CNTN5: variants seen among roughly 807,000 people sequenced by gnomAD.
The protein encoded by CNTN5 is contactin-5.
A neutral mutation model predicts 129.1 loss-of-function variants in CNTN5; 77 were observed. That is an observed-to-expected ratio of 0.60 (90% CI 0.50 to 0.72). CNTN5 has a LOEUF of 0.72. CNTN5 is among the 30% of genes least tolerant of loss of function. The pLI is 0.00. For synonymous variants in CNTN5, 509 were observed against 465.6 expected (o/e 1.09, Z -1.20); for missense variants, 1,478 against 1,328.8 (o/e 1.11, Z -1.75).
At chr11:99,932,740 A>T (rs1320248776) in intron 7 of CNTN5, among the ~76,000 whole-genome samples, 2 of 152,182 alleles carry the variant, frequency 1.3e-5, no homozygotes, top group African/African-American at 4.8e-5. Flanking sequence ...TAAATACTCT[A>T]TAACTTAGTG....
intron 1 of CNTN5, among the ~76,000 whole-genome samples, chr11:99,085,315 G>A (rs1865962937): frequency 6.6e-6 from 1 of 152,104 alleles, no homozygotes; most frequent in African/African-American, 2.4e-5. Flanking sequence ...AAAGTGCTGG[G>A]ATTACAGGTG....
At chr11:99,776,757 G>A (rs2135366365) in intron 3 of CNTN5, among the ~76,000 whole-genome samples, 1 of 150,992 alleles carries the variant, frequency 6.6e-6, no homozygotes, top group South Asian at 2.1e-4. Flanking sequence ...TGGGTATGAA[G>A]GATGGATATC....
intron 3 of CNTN5, among the ~76,000 whole-genome samples, chr11:99,634,543 C>A (rs1951479860): frequency 6.6e-6 from 1 of 152,076 alleles, no homozygotes; most frequent in Non-Finnish European, 1.5e-5. Flanking sequence ...TAATCTTGGC[C>A]CTGATACTTA....
chr11:99,597,397 A>C (rs1950159193), intron 3 of CNTN5, among the ~76,000 whole-genome samples: 1 of 152,106 alleles, frequency 6.6e-6, no homozygotes, highest in Admixed American at 6.6e-5. Flanking sequence ...AAATTAAGCT[A>C]TTTTGAATTC....
intron 3 of CNTN5, among the ~76,000 whole-genome samples, chr11:99,790,833 AT>A (rs1042836057): frequency 6.6e-6 from 1 of 151,884 alleles, no homozygotes; most frequent in Non-Finnish European, 1.5e-5. Context: ...CCAGCATGTT[AT>A]TTTTTTGACA....
At chr11:99,835,808 C>T (rs1947284519) in intron 4 of CNTN5, among the ~76,000 whole-genome samples, 1 of 152,152 alleles carries the variant, frequency 6.6e-6, no homozygotes, top group South Asian at 2.1e-4. Context: ...GTCATAGGCC[C>T]TAGGCCTGGA....
intron 9 of CNTN5, among the ~76,000 whole-genome samples, chr11:100,022,054 A>C (rs968072679): frequency 1.3e-5 from 2 of 152,048 alleles, no homozygotes; most frequent in African/African-American, 4.8e-5. Flanking sequence ...GGTCTTCCTG[A>C]GGGTGGGTCT....
chr11:99,859,260 A>G (rs1169107671), intron 6 of CNTN5, among the ~76,000 whole-genome samples: 3 of 152,256 alleles, frequency 2.0e-5, no homozygotes, highest in African/African-American at 7.2e-5. Flanking sequence ...CTTTATGGTC[A>G]CACGGCTCAG....
chr11:99,809,028 T>C (rs1312294360), intron 3 of CNTN5, among the ~76,000 whole-genome samples: 1 of 152,108 alleles, frequency 6.6e-6, no homozygotes, highest in East Asian at 1.9e-4. Context: ...CCCACACAAG[T>C]AGGAAGACAC....
intron 3 of CNTN5, among the ~76,000 whole-genome samples, chr11:99,716,399 T>A (rs1955231136): frequency 6.6e-6 from 1 of 152,060 alleles, no homozygotes; most frequent in Non-Finnish European, 1.5e-5. Flanking sequence ...AGCTTCTTCT[T>A]TGTCTCCTAC....
At chr11:100,184,712 T>C (rs1481549190) in intron 13 of CNTN5, among the ~76,000 whole-genome samples, 2 of 152,196 alleles carry the variant, frequency 1.3e-5, no homozygotes, top group African/African-American at 4.8e-5. Context: ...GTTTAGTTCA[T>C]TAATAGCTAT....
At chr11:100,059,723 C>T in intron 9 of CNTN5, among the ~76,000 whole-genome samples, 1 of 152,044 alleles carries the variant, frequency 6.6e-6, no homozygotes, top group African/African-American at 2.4e-5. Context: ...GAAACAGTAT[C>T]ACATATTACC....
intron 1 of CNTN5, among the ~76,000 whole-genome samples, chr11:99,323,073 T>A (rs537470716): frequency 2.0e-5 from 3 of 152,306 alleles, no homozygotes; most frequent in African/African-American, 7.2e-5. Flanking sequence ...TCATTCTTTT[T>A]CATAAAGTGT....
At chr11:99,628,082 A>G (rs142398341) in intron 3 of CNTN5, among the ~76,000 whole-genome samples, 123 of 152,028 alleles carry the variant, frequency 8.1e-4, no homozygotes, top group African/African-American at 2.8e-3. Context: ...CGTTGGTTAC[A>G]CAAGGTCTCT....
intron 3 of CNTN5, among the ~76,000 whole-genome samples, chr11:99,816,443 T>C (rs1946589783): frequency 6.6e-6 from 1 of 152,190 alleles, no homozygotes; most frequent in Non-Finnish European, 1.5e-5. Flanking sequence ...TCTCCATGTG[T>C]CTAAAACTGA....
intron 17 of CNTN5, among the ~76,000 whole-genome samples, chr11:100,269,796 AC>A (rs1448001888): frequency 6.6e-6 from 1 of 152,158 alleles, no homozygotes; most frequent in Admixed American, 6.5e-5. Context: ...GTCTGGAGTT[AC>A]TTGAGATGAC....
intron 1 of CNTN5, among the ~76,000 whole-genome samples, chr11:99,035,496 GTTGAA>G (rs1248820318): frequency 6.6e-6 from 1 of 150,932 alleles, no homozygotes; most frequent in African/African-American, 2.4e-5. Context: ...AGCTCTTCTT[GTTGAA>G]TTGATCCCTT....
intron 13 of CNTN5, among the ~76,000 whole-genome samples, chr11:100,152,564 A>G (rs771391951): frequency 1.6e-4 from 24 of 152,144 alleles, no homozygotes; most frequent in Non-Finnish European, 2.8e-4. Flanking sequence ...TTGATGAACA[A>G]TATATATTCA....
intron 7 of CNTN5, among the ~76,000 whole-genome samples, chr11:99,947,008 C>G (rs1950566997): frequency 7.7e-6 from 1 of 129,164 alleles, no homozygotes; most frequent in Admixed American, 8.2e-5. Context: ...AAGCATGATT[C>G]TACATGATTA....
Sources: gnomAD v4.1 joint callset for allele counts (sites outside exome capture counted in the v4.1 genomes callset) on GRCh38, gnomAD v4.1.1 for gene constraint, MANE v1.5 for transcripts, NCBI Gene and HGNC (gene_info 2026-07-23, HGNC 2026-07-21) for gene names.